The following GPHN variants were observed in gnomAD, a reference collection of about 807,000 sequenced individuals.
The protein encoded by GPHN is gephyrin.
A neutral mutation model predicts 95.5 loss-of-function variants in GPHN; 17 were observed. That is an observed-to-expected ratio of 0.18 (90% CI 0.12 to 0.27). GPHN has a LOEUF of 0.27. Ranked by LOEUF, GPHN falls within the 10% of genes least tolerant of loss-of-function variation. The pLI is 1.00. For missense variants in GPHN, 660 were observed against 978.1 expected (o/e 0.67, Z 4.34); for synonymous variants, 320 against 322.5 (o/e 0.99, Z 0.08).
intron 10 of GPHN, among the ~76,000 whole-genome samples, chr14:67,039,276 GTTC>G (rs1389990903): frequency 6.6e-6 from 1 of 152,100 alleles, no homozygotes; most frequent in East Asian, 1.9e-4. Context: ...AGTTTCATAT[GTTC>G]TTCTCCCTTT....
chr14:66,678,484 T>G (rs1377303460), intron 1 of GPHN, among the ~76,000 whole-genome samples: 1 of 152,000 alleles, frequency 6.6e-6, no homozygotes, highest in Non-Finnish European at 1.5e-5. Flanking sequence ...ACCAGTTGTT[T>G]TTTTTTTCTG....
chr14:67,383,269 A>AT, the GPHN span: 1 of 1,591,986 alleles, frequency 6.3e-7, no homozygotes, highest in South Asian at 1.1e-5. Flanking sequence ...TTAAATTTGT[A>AT]TAGTATTTAC....
At chr14:66,636,189 C>T (rs2064085890) in intron 1 of GPHN, among the ~76,000 whole-genome samples, 1 of 151,906 alleles carries the variant, frequency 6.6e-6, no homozygotes, top group South Asian at 2.1e-4. Context: ...TATTGGGACC[C>T]CTTATTGGCT....
At chr14:67,695,347 G>A in the GPHN span, among the ~76,000 whole-genome samples, 2 of 152,124 alleles carry the variant, frequency 1.3e-5, no homozygotes, top group African/African-American at 4.8e-5. Flanking sequence ...CTTACCCTCG[G>A]GATTCCCTGG....
chr14:66,518,750 A>G (rs929902595), intron 1 of GPHN, among the ~76,000 whole-genome samples: 1 of 152,146 alleles, frequency 6.6e-6, no homozygotes, highest in Non-Finnish European at 1.5e-5. Context: ...TAAACACTGC[A>G]TGTCCTCACT....
At chr14:66,562,414 A>C (rs1161457422) in intron 1 of GPHN, among the ~76,000 whole-genome samples, 3 of 152,190 alleles carry the variant, frequency 2.0e-5, no homozygotes, top group Non-Finnish European at 4.4e-5. Flanking sequence ...ATATCAAAAC[A>C]TCACATTGTG....
At chr14:67,009,118 T>C (rs1207767911) in intron 9 of GPHN, among the ~76,000 whole-genome samples, 1 of 152,234 alleles carries the variant, frequency 6.6e-6, no homozygotes, top group East Asian at 1.9e-4. Flanking sequence ...CTTGTGTGTT[T>C]GTTTTTTTCA....
intron 5 of GPHN, among the ~76,000 whole-genome samples, chr14:66,881,647 T>C (rs1422993065): frequency 6.6e-6 from 1 of 151,926 alleles, no homozygotes. Flanking sequence ...ATTCTTCAAA[T>C]TGAATGTAGC....
intron 1 of GPHN, among the ~76,000 whole-genome samples, chr14:66,543,942 A>G (rs570098030): frequency 1.0e-3 from 156 of 152,244 alleles, no homozygotes; most frequent in African/African-American, 3.5e-3. Context: ...TAAGTGAAAT[A>G]TTTTACTACT....
At chr14:67,008,786 A>G (rs1451337976) in intron 9 of GPHN, among the ~76,000 whole-genome samples, 4 of 152,020 alleles carry the variant, frequency 2.6e-5, no homozygotes, top group Non-Finnish European at 4.4e-5. Context: ...GGTTCAAGCA[A>G]TCCTCTCACC....
At chr14:67,392,075 A>T in the GPHN span, among the ~76,000 whole-genome samples, 1 of 152,056 alleles carries the variant, frequency 6.6e-6, no homozygotes, top group Non-Finnish European at 1.5e-5. Context: ...TGATGTTGTG[A>T]TAATTGTGTG....
chr14:67,368,536 G>A, the GPHN span, among the ~76,000 whole-genome samples: 6 of 152,108 alleles, frequency 3.9e-5, no homozygotes, highest in African/African-American at 1.4e-4. Flanking sequence ...GTGATTAATG[G>A]ATGCCAAGTA....
intron 10 of GPHN, among the ~76,000 whole-genome samples, chr14:67,027,950 T>A (rs2074008411): frequency 6.6e-6 from 1 of 152,338 alleles, no homozygotes; most frequent in South Asian, 2.1e-4. Flanking sequence ...ATAGTCACCC[T>A]ACTGTACTAT....
intron 21 of GPHN, among the ~76,000 whole-genome samples, chr14:67,176,623 G>C (rs1039106259): frequency 2.1e-4 from 32 of 152,044 alleles, no homozygotes; most frequent in African/African-American, 7.7e-4. Context: ...CTCTTTTTCT[G>C]TTCCTTGGAA....
chr14:66,838,239 T>TA (rs2061936487), intron 4 of GPHN, among the ~76,000 whole-genome samples: 1 of 152,172 alleles, frequency 6.6e-6, no homozygotes, highest in Admixed American at 6.6e-5. Context: ...ATGTAAATAA[T>TA]ATAAGCAAGG....
chr14:67,139,206 A>G (rs1399996391), intron 17 of GPHN, among the ~76,000 whole-genome samples: 4 of 151,240 alleles, frequency 2.6e-5, no homozygotes, highest in Non-Finnish European at 5.9e-5. Flanking sequence ...CTGGTCAACA[A>G]AGCAATACTC....
chr14:67,437,117 G>A, the GPHN span, among the ~76,000 whole-genome samples: 1 of 152,110 alleles, frequency 6.6e-6, no homozygotes, highest in Non-Finnish European at 1.5e-5. Context: ...ATCCTGTTGT[G>A]ACTTATATAA....
the GPHN span, among the ~76,000 whole-genome samples, chr14:67,396,825 T>C: frequency 6.6e-6 from 1 of 152,276 alleles, no homozygotes; most frequent in African/African-American, 2.4e-5. Context: ...CCACTTGCTT[T>C]CCCAATAAAA....
At chr14:67,555,734 A>G in the GPHN span, 1 of 1,550,066 alleles carries the variant, frequency 6.5e-7, no homozygotes, top group South Asian at 1.2e-5. Context: ...GCCTGTGTGC[A>G]GTGTGTGCAC....
Sources: allele counts gnomAD v4.1 joint callset (sites outside exome capture counted in the v4.1 genomes callset), GRCh38; gene constraint gnomAD v4.1.1; transcripts MANE v1.5; gene names NCBI Gene and HGNC (gene_info 2026-07-23, HGNC 2026-07-21).